Variants in CDH18 observed in about 807,000 individuals in gnomAD.
CDH18 encodes the protein cadherin 18, also known as cadherin-18.
CDH18 carries 31 observed loss-of-function variants against 67.9 expected under a neutral mutation model. The observed-to-expected ratio is 0.46, with a 90% CI of 0.34 to 0.62. The LOEUF (loss-of-function observed/expected upper bound fraction) is 0.62. Ranked by LOEUF, CDH18 falls within the 20% of genes least tolerant of loss-of-function variation. The pLI, the probability that CDH18 is intolerant of heterozygous loss-of-function variation, is 0.01. For missense variants in CDH18, 890 were observed against 975.5 expected (o/e 0.91, Z 1.17); for synonymous variants, 362 against 347.2 (o/e 1.04, Z -0.48).
At chr5:19,574,498 C>T (rs1178193556) in intron 7 of CDH18, among the ~76,000 whole-genome samples, 1 of 151,958 alleles carries the variant, frequency 6.6e-6, no homozygotes, top group Non-Finnish European at 1.5e-5. Flanking sequence ...GGCTGAATTG[C>T]CGGTACAGGG....
At chr5:20,450,461 C>A (rs1376742778) in intron 1 of CDH18, among the ~76,000 whole-genome samples, 1 of 152,120 alleles carries the variant, frequency 6.6e-6, no homozygotes, top group South Asian at 2.1e-4. Flanking sequence ...TCATCCAAAT[C>A]TTTATATTAA....
intron 12 of CDH18, among the ~76,000 whole-genome samples, chr5:19,481,659 C>T (rs145245973): frequency 6.6e-6 from 1 of 152,308 alleles, no homozygotes; most frequent in South Asian, 2.1e-4. Flanking sequence ...TCTGGATGCT[C>T]TCACCCTTTC....
intron 4 of CDH18, among the ~76,000 whole-genome samples, chr5:19,722,015 A>G (rs1766163896): frequency 6.6e-6 from 1 of 152,110 alleles, no homozygotes; most frequent in African/African-American, 2.4e-5. Context: ...TTAATGAGTC[A>G]CATAACTGGT....
At chr5:20,479,061 A>G (rs576975930) in intron 1 of CDH18, among the ~76,000 whole-genome samples, 1 of 152,246 alleles carries the variant, frequency 6.6e-6, no homozygotes, top group African/African-American at 2.4e-5. Flanking sequence ...GTGCTCCCCA[A>G]ACCATATATG....
At chr5:20,324,008 ATCT>A (rs1397351582) in intron 1 of CDH18, among the ~76,000 whole-genome samples, 4 of 152,200 alleles carry the variant, frequency 2.6e-5, no homozygotes, top group African/African-American at 9.7e-5. Flanking sequence ...TGGCAGATTA[ATCT>A]TCTTTCACAC....
At chr5:19,655,907 G>T (rs1249709306) in intron 5 of CDH18, among the ~76,000 whole-genome samples, 2 of 151,726 alleles carry the variant, frequency 1.3e-5, no homozygotes, top group African/African-American at 4.8e-5. Flanking sequence ...CTTCTATTTG[G>T]GATTAAGATG....
rs147083448 is a variant in CDH18 at position 19,754,909 on chromosome 5, C to T, written c.229-7673G>A. Reference sequence around the variant, plus strand: ...GAAATTAAATAACCTGCTCCTGAATCAGCCCTGGGTCAAAAACAAAAGGAT... The same window carrying T: ...GAAATTAAATAACCTGCTCCTGAATTAGCCCTGGGTCAAAAACAAAAGGAT... On this transcript the variant is annotated intron_variant, in intron 3 of 12. Transcript: ENST00000382275. Among the ~76,000 whole-genome samples the T allele has an allele frequency of 1.4e-3, 206 of 152,180 alleles. 1 individual carries two copies. Among genetic ancestry groups the T allele is most frequent in the African/African-American group, 4.8e-3 (199 of 41,536 alleles).
At chr5:19,929,900 A>G (rs931954267) in intron 2 of CDH18, among the ~76,000 whole-genome samples, 1 of 152,148 alleles carries the variant, frequency 6.6e-6, no homozygotes, top group Non-Finnish European at 1.5e-5. Flanking sequence ...TGAAAATTAA[A>G]ACACAATGGC....
chr5:19,825,619 G>A (rs376715079), intron 3 of CDH18, among the ~76,000 whole-genome samples: 4 of 151,950 alleles, frequency 2.6e-5, no homozygotes, highest in Middle Eastern at 3.4e-3. Flanking sequence ...ATTGAAAGGA[G>A]TACATTCAAG....
At chr5:20,464,871 T>C (rs1161616079) in intron 1 of CDH18, among the ~76,000 whole-genome samples, 1 of 152,000 alleles carries the variant, frequency 6.6e-6, no homozygotes, top group African/African-American at 2.4e-5. Flanking sequence ...GCCAAGTTGA[T>C]GAAGAACAGA....
At chr5:19,659,212 A>T (rs1027675654) in intron 5 of CDH18, among the ~76,000 whole-genome samples, 3 of 152,166 alleles carry the variant, frequency 2.0e-5, no homozygotes, top group African/African-American at 7.2e-5. Context: ...TAATTAAATA[A>T]TAACTGCCAC....
intron 2 of CDH18, among the ~76,000 whole-genome samples, chr5:20,089,756 C>T (rs1181320987): frequency 6.6e-6 from 1 of 152,070 alleles, no homozygotes; most frequent in African/African-American, 2.4e-5. Context: ...GCCAAATATT[C>T]TTACTTGGAT....
chr5:19,630,068 C>G (rs1302851849), intron 5 of CDH18, among the ~76,000 whole-genome samples: 1 of 152,074 alleles, frequency 6.6e-6, no homozygotes, highest in Admixed American at 6.5e-5. Flanking sequence ...TCCCAAGTAG[C>G]TGGGATTACA....
At chr5:19,560,837 A>C (rs909881660) in intron 8 of CDH18, among the ~76,000 whole-genome samples, 4 of 152,132 alleles carry the variant, frequency 2.6e-5, no homozygotes, top group Non-Finnish European at 5.9e-5. Flanking sequence ...CCCATCAAAA[A>C]GTGGGCTAAG....
chr5:20,208,935 A>G (rs1278334373), intron 2 of CDH18, among the ~76,000 whole-genome samples: 1 of 152,128 alleles, frequency 6.6e-6, no homozygotes, highest in Admixed American at 6.6e-5. Flanking sequence ...AAAATTGGGC[A>G]AAAGCTCTGA....
intron 2 of CDH18, among the ~76,000 whole-genome samples, chr5:19,921,856 C>A (rs1049001636): frequency 3.5e-4 from 53 of 151,554 alleles, no homozygotes; most frequent in African/African-American, 1.1e-3. Flanking sequence ...GTTTTAATTT[C>A]TAATACAATA....
intron 1 of CDH18, among the ~76,000 whole-genome samples, chr5:20,324,536 G>A (rs1353785123): frequency 6.5e-5 from 8 of 123,848 alleles, no homozygotes; most frequent in Non-Finnish European, 1.1e-4. Flanking sequence ...GCAAGACTCC[G>A]TCTCAAACAA....
intron 2 of CDH18, among the ~76,000 whole-genome samples, chr5:20,132,590 A>G (rs1263925576): frequency 6.6e-6 from 1 of 152,096 alleles, no homozygotes; most frequent in Non-Finnish European, 1.5e-5. Flanking sequence ...TGAGCATTTT[A>G]TATGATTCCA....
chr5:20,215,486 G>T (rs1740696482), intron 2 of CDH18, among the ~76,000 whole-genome samples: 1 of 151,372 alleles, frequency 6.6e-6, no homozygotes. Flanking sequence ...ACCAGATGCT[G>T]ACAAGGTTGC....
Sources: allele counts gnomAD v4.1 joint callset (sites outside exome capture counted in the v4.1 genomes callset), GRCh38; gene constraint gnomAD v4.1.1; transcripts MANE v1.5; gene names NCBI Gene and HGNC (gene_info 2026-07-23, HGNC 2026-07-21).